RIMS2: variants seen among roughly 807,000 people sequenced by gnomAD.
RIMS2 encodes the protein regulating synaptic membrane exocytosis 2.
A neutral mutation model predicts 174.4 loss-of-function variants in RIMS2; 59 were observed. The observed-to-expected ratio is 0.34, with a 90% CI of 0.27 to 0.42. The LOEUF (loss-of-function observed/expected upper bound fraction) is 0.42. Ranked by LOEUF, RIMS2 falls within the 10% of genes least tolerant of loss-of-function variation. RIMS2 has a pLI of 1.00. For synonymous variants in RIMS2, 606 were observed against 572.5 expected (o/e 1.06, Z -0.84); for missense variants, 1,620 against 1,666.3 (o/e 0.97, Z 0.48).
At chr8:103,761,843 T>A (rs1256016940) in intron 2 of RIMS2, among the ~76,000 whole-genome samples, 2 of 152,174 alleles carry the variant, frequency 1.3e-5, no homozygotes, top group Non-Finnish European at 2.9e-5. Context: ...GAATTCCTTT[T>A]TCTGTGCAGT....
At chr8:103,846,333 C>G (rs1424402989) in intron 3 of RIMS2, among the ~76,000 whole-genome samples, 1 of 152,018 alleles carries the variant, frequency 6.6e-6, no homozygotes, top group Non-Finnish European at 1.5e-5. Flanking sequence ...GAATGCACTT[C>G]AGGAATAAAT....
chr8:103,662,232 T>G (rs17234389), intron 1 of RIMS2, among the ~76,000 whole-genome samples: 26,749 of 152,216 alleles, frequency 0.18, 2,550 homozygotes, highest in African/African-American at 0.23. Context: ...ACAGAAGATG[T>G]TTTTGTGTAA....
chr8:103,797,288 T>G (rs1237619826), intron 3 of RIMS2, among the ~76,000 whole-genome samples: 1 of 152,204 alleles, frequency 6.6e-6, no homozygotes. Context: ...ATTAATGCAC[T>G]TACCACTGTC....
chr8:104,221,657 GAAAAC>G (rs996918690), intron 19 of RIMS2, among the ~76,000 whole-genome samples: 44 of 152,244 alleles, frequency 2.9e-4, no homozygotes, highest in African/African-American at 9.4e-4. Flanking sequence ...AGTCTATCAG[GAAAAC>G]AAAAGCAATA....
chr8:103,944,628 A>G (rs2083299692), intron 14 of RIMS2, among the ~76,000 whole-genome samples: 1 of 152,060 alleles, frequency 6.6e-6, no homozygotes, highest in South Asian at 2.1e-4. Context: ...GGTTAGCTGT[A>G]TGTGTCATGG....
intron 2 of RIMS2, among the ~76,000 whole-genome samples, chr8:103,712,545 CAGTAGAT>C (rs1476966821): frequency 6.6e-6 from 1 of 152,062 alleles, no homozygotes; most frequent in Admixed American, 6.6e-5. Flanking sequence ...AGCTCCTTAT[CAGTAGAT>C]AAGGTGAGTA....
intron 19 of RIMS2, among the ~76,000 whole-genome samples, chr8:104,094,036 G>A (rs2097710609): frequency 6.6e-6 from 1 of 151,744 alleles, no homozygotes. Context: ...TTTTCAGTAG[G>A]ATGCTTTCCT....
chr8:103,536,340 C>T (rs978305184), intron 1 of RIMS2, among the ~76,000 whole-genome samples: 1 of 151,996 alleles, frequency 6.6e-6, no homozygotes, highest in Non-Finnish European at 1.5e-5. Context: ...TAAGACTCTC[C>T]ATGGACCTAA....
At chr8:103,920,962 G>T (rs192980623) in intron 9 of RIMS2, 4 of 283,992 alleles carry the variant, frequency 1.4e-5, no homozygotes, top group Non-Finnish European at 2.7e-5. Flanking sequence ...TCACGCCACC[G>T]CACTCCAGCC....
chr8:103,618,604 G>C (rs1464107919), intron 1 of RIMS2, among the ~76,000 whole-genome samples: 1 of 152,066 alleles, frequency 6.6e-6, no homozygotes, highest in African/African-American at 2.4e-5. Context: ...TATGACTTTT[G>C]TCTATCCATC....
intron 17 of RIMS2, among the ~76,000 whole-genome samples, chr8:104,003,269 G>C (rs764218461): frequency 5.3e-5 from 8 of 152,096 alleles, no homozygotes; most frequent in Non-Finnish European, 8.8e-5. Context: ...GGTGAGGGAG[G>C]ATATTTGTGA....
chr8:103,918,027 T>C (rs911798133), intron 8 of RIMS2, among the ~76,000 whole-genome samples: 3 of 152,184 alleles, frequency 2.0e-5, no homozygotes, highest in Admixed American at 1.3e-4. Context: ...TATCTTACTT[T>C]TTATTTTGGT....
chr8:103,740,108 A>T (rs7004080), intron 2 of RIMS2, among the ~76,000 whole-genome samples: 10 of 152,176 alleles, frequency 6.6e-5, no homozygotes, highest in Non-Finnish European at 1.5e-4. Context: ...TTATGCCAAC[A>T]TAGGAAGTTA....
intron 19 of RIMS2, among the ~76,000 whole-genome samples, chr8:104,057,452 T>G (rs1487553442): frequency 6.6e-6 from 1 of 152,150 alleles, no homozygotes; most frequent in Non-Finnish European, 1.5e-5. Context: ...GTCTGTTCAC[T>G]GAATTTAGAG....
chr8:103,835,226 C>T (rs1275466595), intron 3 of RIMS2, among the ~76,000 whole-genome samples: 8 of 150,754 alleles, frequency 5.3e-5, no homozygotes, highest in African/African-American at 1.5e-4. Flanking sequence ...CTCAGCCTCC[C>T]GAGTAGCTGG....
intron 1 of RIMS2, among the ~76,000 whole-genome samples, chr8:103,633,614 ATG>A (rs2096001496): frequency 6.6e-6 from 1 of 152,002 alleles, no homozygotes; most frequent in Non-Finnish European, 1.5e-5. Context: ...GAATGGTACT[ATG>A]TCTTTGGACA....
At chr8:103,841,254 C>G (rs551670134) in intron 3 of RIMS2, among the ~76,000 whole-genome samples, 1 of 152,224 alleles carries the variant, frequency 6.6e-6, no homozygotes, top group East Asian at 1.9e-4. Flanking sequence ...ACTTTTATAT[C>G]CAGAAATAAT....
intron 3 of RIMS2, among the ~76,000 whole-genome samples, chr8:103,825,896 G>A (rs1264247447): frequency 2.0e-5 from 3 of 152,052 alleles, no homozygotes; most frequent in African/African-American, 7.2e-5. Flanking sequence ...AACAATGATT[G>A]AAGATTTTGG....
intron 19 of RIMS2, among the ~76,000 whole-genome samples, chr8:104,116,772 G>T (rs2098283285): frequency 6.6e-6 from 1 of 152,050 alleles, no homozygotes; most frequent in African/African-American, 2.4e-5. Context: ...ATTTGGAAAG[G>T]TAGATAAGAT....
Sources: allele counts gnomAD v4.1 joint callset (sites outside exome capture counted in the v4.1 genomes callset), GRCh38; gene constraint gnomAD v4.1.1; transcripts MANE v1.5; gene names NCBI Gene and HGNC (gene_info 2026-07-23, HGNC 2026-07-21).